HEG1: variants seen among roughly 807,000 people sequenced by gnomAD.
HEG1 encodes heart development protein with EGF like domains 1, also known as protein HEG homolog 1.
In HEG1, 56 loss-of-function variants were observed where a neutral mutation model predicts 125.6. That is an observed-to-expected ratio of 0.45 (90% CI 0.36 to 0.56). The LOEUF (loss-of-function observed/expected upper bound fraction) is 0.56. Ranked by LOEUF, HEG1 falls within the 20% of genes least tolerant of loss-of-function variation. The probability of loss-of-function intolerance (pLI) is 0.00; values close to 1 mark genes in which losing one functional copy is unlikely to be tolerated. For missense variants in HEG1, 1,523 were observed against 1,670.0 expected (o/e 0.91, Z 1.53); for synonymous variants, 644 against 668.5 (o/e 0.96, Z 0.57).
chr3:124,998,086 A>C (rs1405258172), intron 11 of HEG1, among the ~76,000 whole-genome samples: 1 of 152,174 alleles, frequency 6.6e-6, no homozygotes, highest in Non-Finnish European at 1.5e-5. Context: ...CCACGGACCC[A>C]CTGAGAAACG....
intron 12 of HEG1, 93 bp downstream of exon 12, chr3:124,997,596 T>C: frequency 7.6e-7 from 1 of 1,307,272 alleles, no homozygotes; most frequent in Non-Finnish European, 1.0e-6. Context: ...TGGTCACGCC[T>C]AAGCAAAGAC....
intron 9 of HEG1, among the ~76,000 whole-genome samples, chr3:125,003,320 C>T (rs1459734307): frequency 2.6e-5 from 4 of 152,162 alleles, no homozygotes; most frequent in Non-Finnish European, 5.9e-5. Context: ...CTGAGCGCCA[C>T]GTAATGCAAA....
At chr3:124,983,722 T>C (rs1488015058) in intron 14 of HEG1, among the ~76,000 whole-genome samples, 6 of 152,144 alleles carry the variant, frequency 3.9e-5, no homozygotes, top group Non-Finnish European at 8.8e-5. Context: ...AATTCACCTT[T>C]TGCAAGTCTA....
At position 125,047,592 on chromosome 3, in the gene HEG1, GAA is replaced by G. The variant is rs544714668; in HGVS notation, c.316+7981_316+7982del. ...TACACCCTGGCAAAAGATGATCCCT[GAA>G]AAAGTCTCACCACATGGCCATAATA... On this transcript the variant is annotated intron_variant, in intron 1 of 16. Coordinates refer to ENST00000311127, the MANE Select transcript of HEG1 (RefSeq NM_020733.2). 1.1e-3 allele frequency among the ~76,000 whole-genome samples: 162 copies of G among 152,286 alleles called. 1 individual carries two copies. Among genetic ancestry groups the G allele is most frequent in the Non-Finnish European group, 1.7e-3 (118 of 68,028 alleles).
intron 14 of HEG1, among the ~76,000 whole-genome samples, chr3:124,981,571 C>T (rs1936654520): frequency 6.6e-6 from 1 of 152,180 alleles, no homozygotes. Context: ...TCATACTGGG[C>T]AGGGGCTCAG....
At chr3:124,970,994 T>C in intron 16 of HEG1, 193 bp from the exon 17 acceptor site, 1 of 632,870 alleles carries the variant, frequency 1.6e-6, no homozygotes, top group South Asian at 1.7e-5. Flanking sequence ...TAATCCTTCC[T>C]GTCCCAGCAA....
intron 1 of HEG1, among the ~76,000 whole-genome samples, chr3:125,052,984 G>A (rs1007463634): frequency 1.6e-4 from 24 of 152,200 alleles, no homozygotes; most frequent in Non-Finnish European, 3.4e-4. Context: ...GAAGTCCCAG[G>A]GGCCAGGCCC....
In HEG1 at chr3:124,970,709, G is replaced by A. The variant is rs774013058; in HGVS notation, c.4089C>T (p.Pro1363=). 19 of 1,609,046 alleles carry A rather than the reference G, an allele frequency of 1.2e-5. No individual in the cohort carries two copies. The highest frequency in any genetic ancestry group is 4.5e-5 in the East Asian group (2 of 44,790). The change falls in exon 17 of 17, where the codon CCC becomes CCT. Residue 1363 remains proline, a synonymous_variant. Coordinates refer to ENST00000311127, the MANE Select transcript of HEG1 (RefSeq NM_020733.2). Reference sequence around the variant, plus strand: ...TGATGAAAGACGGGTTATACTGTCCGGGGAAAATGCAAGAATGCCGTGATC... The same window carrying A: ...TGATGAAAGACGGGTTATACTGTCCAGGGAAAATGCAAGAATGCCGTGATC... ...LPGSRHSCIF[P]GQYNPSFISD...
In HEG1 at chr3:125,004,716, T is replaced by A. The variant is rs572962047; in HGVS notation, c.3297+549A>T. On this transcript the variant is annotated intron_variant, in intron 9 of 16. Coordinates refer to ENST00000311127, the MANE Select transcript of HEG1 (RefSeq NM_020733.2). ...TGCTGCCCAGGATGGCATTTTTCTTTAAAAAAAAAAAAATTCTGATAAAAA... is the reference window on the plus strand; with the variant it reads ...TGCTGCCCAGGATGGCATTTTTCTTAAAAAAAAAAAAAATTCTGATAAAAA... Among the ~76,000 whole-genome samples the A allele has an allele frequency of 9.2e-4, 135 of 146,030 alleles. 1 individual carries two copies. Among genetic ancestry groups the A allele is most frequent in the Admixed American group, 1.4e-3 (21 of 14,652 alleles).
intron 14 of HEG1, among the ~76,000 whole-genome samples, chr3:124,984,686 G>A (rs1168329675): frequency 6.6e-6 from 1 of 152,108 alleles, no homozygotes; most frequent in Non-Finnish European, 1.5e-5. Flanking sequence ...TTGAACCCGG[G>A]AGGCAGAGGT....
At chr3:125,036,514 AT>A (rs1937549012) in intron 1 of HEG1, among the ~76,000 whole-genome samples, 1 of 152,206 alleles carries the variant, frequency 6.6e-6, no homozygotes, top group Admixed American at 6.5e-5. Context: ...TATAAGTCTG[AT>A]AAAAATAAAA....
rs765568415 is a variant in HEG1 at position 125,013,473 on chromosome 3, T to C, written c.2106A>G (p.Leu702=). 57 of 1,613,708 alleles carry C rather than the reference T, an allele frequency of 3.5e-5. No individual in the cohort carries two copies. The highest frequency in any genetic ancestry group is 4.6e-5 in the Non-Finnish European group (54 of 1,179,884). Residue 702 remains leucine (L), a synonymous_variant, in exon 6 of 17, where the codon CTA becomes CTG. Transcript: ENST00000311127. ...GTGTGGATGCATCAGAGGTAGACTTTAGTAGATGCACAGAGGCCCTGGTTG... is the reference window on the plus strand; with the variant it reads ...GTGTGGATGCATCAGAGGTAGACTTCAGTAGATGCACAGAGGCCCTGGTTG... ...LPSTRASVHL[L]KSTSDASTPW... is the part of the protein sequence containing the mutation.
intron 1 of HEG1, among the ~76,000 whole-genome samples, chr3:125,046,460 T>C (rs1937672671): frequency 6.6e-6 from 1 of 150,970 alleles, no homozygotes; most frequent in Non-Finnish European, 1.5e-5. Flanking sequence ...ATTATACAGA[T>C]GAGGTCTCAC....
At chr3:125,033,080 A>C (rs1937515374) in intron 1 of HEG1, among the ~76,000 whole-genome samples, 6 of 152,182 alleles carry the variant, frequency 3.9e-5, no homozygotes, top group Admixed American at 3.9e-4. Context: ...ACAAAACTGA[A>C]AGGTAGACAA....
At chr3:125,045,078 T>C (rs1039335390) in intron 1 of HEG1, among the ~76,000 whole-genome samples, 10 of 152,316 alleles carry the variant, frequency 6.6e-5, no homozygotes, top group Non-Finnish European at 1.5e-5. Context: ...AGTGGGACCA[T>C]TAGCAAGCAA....
At chr3:125,050,027 T>C (rs1937768008) in intron 1 of HEG1, among the ~76,000 whole-genome samples, 1 of 152,172 alleles carries the variant, frequency 6.6e-6, no homozygotes, top group African/African-American at 2.4e-5. Context: ...GGAGCCTAAC[T>C]GGCCTCTTCA....
At chr3:124,976,251 G>A (rs1281996925) in intron 15 of HEG1, among the ~76,000 whole-genome samples, 3 of 152,098 alleles carry the variant, frequency 2.0e-5, no homozygotes, top group African/African-American at 2.4e-5. Flanking sequence ...GCAGTGGCAT[G>A]ATCTCAGGTC....
intron 14 of HEG1, 135 bp from the exon 15 acceptor site, chr3:124,978,081 C>G: frequency 1.7e-6 from 1 of 602,342 alleles, no homozygotes; most frequent in East Asian, 2.9e-5. Flanking sequence ...ACTTCCTACT[C>G]TCTGGCAAGG....
chr3:125,029,771 A>G (rs1937472491), intron 1 of HEG1, among the ~76,000 whole-genome samples: 1 of 152,172 alleles, frequency 6.6e-6, no homozygotes, highest in African/African-American at 2.4e-5. Context: ...AGGTGCCTGT[A>G]ATCCCATCTT....
Sources: allele counts gnomAD v4.1 joint callset (sites outside exome capture counted in the v4.1 genomes callset), GRCh38; gene constraint gnomAD v4.1.1; transcripts MANE v1.5; gene names NCBI Gene and HGNC (gene_info 2026-07-23, HGNC 2026-07-21).